DPP6: variants seen among roughly 807,000 people sequenced by gnomAD.
DPP6 encodes the protein dipeptidyl peptidase like 6, also known as A-type potassium channel modulatory protein DPP6.
Under a neutral mutation model 122.6 loss-of-function variants are expected in DPP6, and 69 were observed. That is an observed-to-expected ratio of 0.56 (90% confidence interval 0.46 to 0.69). DPP6 has a LOEUF of 0.69. DPP6 is among the 30% of genes least tolerant of loss of function. DPP6 has a pLI of 0.00. For synonymous variants in DPP6, 418 were observed against 433.1 expected, an observed-to-expected ratio of 0.97 and a Z score of 0.43; for missense variants, 928 against 1,116.9, an observed-to-expected ratio of 0.83 and a Z score of 2.41.
rs201488176 is a variant in DPP6 at position 154,217,486 on chromosome 7, C to T, written c.243+164423C>T. 1.5e-4 allele frequency among the ~76,000 whole-genome samples: 23 copies of T among 152,218 alleles called. No homozygotes were observed. The East Asian group carries it at 2.3e-3, about 15-fold the overall frequency. On this transcript the variant is annotated intron_variant, in intron 1 of 25. Transcript: ENST00000377770. Reference sequence around the variant, plus strand: ...AGTGTGTAAATTGGGCAGTAAGATTCCATGTGTATTAGAAATAAACTTAAT... The same window carrying T: ...AGTGTGTAAATTGGGCAGTAAGATTTCATGTGTATTAGAAATAAACTTAAT...
intron 16 of DPP6, chr7:154,838,764 A>G (rs1801287603): frequency 6.6e-6 from 1 of 152,186 alleles, no homozygotes; most frequent in Non-Finnish European, 1.5e-5. Context: ...GACTTTAAAC[A>G]TCTCACAAAA....
chr7:154,482,963 A>G (rs1823441878), intron 3 of DPP6, among the ~76,000 whole-genome samples: 1 of 152,190 alleles, frequency 6.6e-6, no homozygotes, highest in Non-Finnish European at 1.5e-5. Context: ...GTGGAAGTCT[A>G]TGAGCAATAA....
At chr7:154,583,321 G>A (rs976411159) in intron 5 of DPP6, among the ~76,000 whole-genome samples, 23 of 152,242 alleles carry the variant, frequency 1.5e-4, no homozygotes, top group Non-Finnish European at 7.4e-5. Context: ...ACAAACATTC[G>A]GTCTATGTGC....
intron 1 of DPP6, among the ~76,000 whole-genome samples, chr7:154,055,089 GC>G (rs1446327765): frequency 2.2e-5 from 2 of 89,404 alleles, no homozygotes; most frequent in African/African-American, 8.3e-5. Flanking sequence ...GTCCTGACAT[GC>G]TTTTTTTTTT....
intron 16 of DPP6, among the ~76,000 whole-genome samples, chr7:154,839,520 G>A (rs117722185): frequency 3.3e-3 from 497 of 152,318 alleles, no homozygotes; most frequent in Non-Finnish European, 4.5e-3. Flanking sequence ...CTGGGGCTAC[G>A]TTAAGGAATG....
intron 1 of DPP6, among the ~76,000 whole-genome samples, chr7:154,423,549 G>A (rs1378357850): frequency 6.6e-6 from 1 of 152,166 alleles, no homozygotes; most frequent in Non-Finnish European, 1.5e-5. Context: ...TTTATAGACC[G>A]AGCTTAAGGC....
At chr7:154,506,712 A>G (rs1187670479) in intron 3 of DPP6, among the ~76,000 whole-genome samples, 1 of 152,196 alleles carries the variant, frequency 6.6e-6, no homozygotes, top group African/African-American at 2.4e-5. Flanking sequence ...TCTGAAAGAG[A>G]AAAACATGAT....
At chr7:153,908,059 A>C (rs1255673643) in intron 1 of DPP6, among the ~76,000 whole-genome samples, 2 of 120,418 alleles carry the variant, frequency 1.7e-5, no homozygotes, top group African/African-American at 6.1e-5. Flanking sequence ...TGCTTAATTG[A>C]AAGAAGACAA....
chr7:154,081,421 T>C (rs1352094719), intron 1 of DPP6, among the ~76,000 whole-genome samples: 1 of 108,806 alleles, frequency 9.2e-6, no homozygotes, highest in Non-Finnish European at 2.2e-5. Flanking sequence ...TGAGAGTAGA[T>C]GTGCTATTAA....
At chr7:153,803,831 G>A in the DPP6 span, among the ~76,000 whole-genome samples, 2 of 147,070 alleles carry the variant, frequency 1.4e-5, no homozygotes, top group East Asian at 2.0e-4. Context: ...AGATAAATGT[G>A]TATGTGTACA....
intron 1 of DPP6, among the ~76,000 whole-genome samples, chr7:154,210,870 T>A (rs957287235): frequency 6.6e-6 from 1 of 151,932 alleles, no homozygotes; most frequent in Non-Finnish European, 1.5e-5. Flanking sequence ...GCAGCCGTAA[T>A]CGTTAGATGC....
chr7:154,686,128 A>G (rs963235310), intron 7 of DPP6, among the ~76,000 whole-genome samples: 20 of 152,134 alleles, frequency 1.3e-4, no homozygotes, highest in Middle Eastern at 3.2e-3. Context: ...TTTTGCTCAC[A>G]ATATCTCTAT....
At chr7:153,980,824 C>T (rs1206713644) in intron 1 of DPP6, among the ~76,000 whole-genome samples, 2 of 152,166 alleles carry the variant, frequency 1.3e-5, no homozygotes, top group African/African-American at 2.4e-5. Context: ...CATTCAGGAG[C>T]AGGTTGTTCA....
chr7:154,849,802 G>C (rs1297253713), intron 16 of DPP6, among the ~76,000 whole-genome samples: 4 of 152,144 alleles, frequency 2.6e-5, no homozygotes, highest in Non-Finnish European at 5.9e-5. Context: ...CTATGGGTTT[G>C]GCATAGATGG....
intron 1 of DPP6, among the ~76,000 whole-genome samples, chr7:154,374,709 TC>T (rs1675086562): frequency 6.6e-6 from 1 of 152,072 alleles, no homozygotes; most frequent in Non-Finnish European, 1.5e-5. Flanking sequence ...ACTCCTGGGT[TC>T]AAGCGATTCT....
Position 154,662,425 on chromosome 7 carries a change from T to G in DPP6, c.681-6935T>G, listed in dbSNP as rs62475184. On this transcript the variant is annotated intron_variant, in intron 6 of 25. Transcript: ENST00000377770. The stretch of plus-strand genomic sequence containing the variant: ...ATGTGAATCACCATGGCGTATCGGC[T>G]GTAGTGTTCATATAGTCATGGTGAA... Among the ~76,000 whole-genome samples, 4 of 91,824 alleles carry G rather than the reference T, an allele frequency of 4.4e-5. 1 individual carries two copies. Among genetic ancestry groups the G allele is most frequent in the African/African-American group, 1.3e-4 (3 of 22,850 alleles). The allele number at this position is 91,824 out of a possible 152,430, so 60.2% of individuals were successfully genotyped here. A position where few individuals can be genotyped will look rare whatever the true frequency, so the allele number is the denominator to read the frequency against.
chr7:154,572,296 C>A (rs1022455016), intron 5 of DPP6, among the ~76,000 whole-genome samples: 1 of 151,978 alleles, frequency 6.6e-6, no homozygotes, highest in African/African-American at 2.4e-5. Flanking sequence ...GTGAGGTGAA[C>A]CCCAACTATA....
chr7:154,079,745 T>C (rs915632559), intron 1 of DPP6, among the ~76,000 whole-genome samples: 6 of 152,066 alleles, frequency 3.9e-5, no homozygotes, highest in Admixed American at 3.9e-4. Flanking sequence ...TGGACTTTGC[T>C]CCTCTGCAGG....
chr7:154,716,084 T>C (rs187357950), intron 7 of DPP6, among the ~76,000 whole-genome samples: 2 of 152,350 alleles, frequency 1.3e-5, no homozygotes, highest in African/African-American at 4.8e-5. Flanking sequence ...TTAGATCTCA[T>C]TTTTGTAGTT....
Sources: gnomAD v4.1 joint callset for allele counts (sites outside exome capture counted in the v4.1 genomes callset) on GRCh38, gnomAD v4.1.1 for gene constraint, MANE v1.5 for transcripts, NCBI Gene and HGNC (gene_info 2026-07-23, HGNC 2026-07-21) for gene names.